The following CATSPERD variants were observed in gnomAD, a reference collection of about 807,000 sequenced individuals.
CATSPERD encodes the protein cation channel sperm-associated auxiliary subunit delta.
CATSPERD carries 86 observed loss-of-function variants against 98.1 expected under a neutral mutation model. The observed-to-expected ratio is 0.88, with a 90% CI of 0.74 to 1.05. The LOEUF is 1.05. Ranked by LOEUF, CATSPERD falls within the 50% of genes least tolerant of loss-of-function variation. The pLI is 0.00. For missense variants in CATSPERD, 995 were observed against 1,005.7 expected (o/e 0.99, Z 0.14); for synonymous variants, 394 against 390.2 (o/e 1.01, Z -0.12).
intron 3 of CATSPERD, among the ~76,000 whole-genome samples, chr19:5,728,250 C>T (rs1422560969): frequency 6.0e-5 from 9 of 149,344 alleles, no homozygotes; most frequent in East Asian, 2.0e-4. Context: ...CCCAGCTACT[C>T]GGGAGGCTGA....
chr19:5,729,459 T>A (rs2055671986), intron 3 of CATSPERD, among the ~76,000 whole-genome samples: 1 of 152,140 alleles, frequency 6.6e-6, no homozygotes, highest in Non-Finnish European at 1.5e-5. Flanking sequence ...GGGAAGGAGA[T>A]CTGGATAATG....
At chr19:5,777,148 G>T (rs2056753521) in intron 21 of CATSPERD, among the ~76,000 whole-genome samples, 1 of 152,022 alleles carries the variant, frequency 6.6e-6, no homozygotes, top group Admixed American at 6.6e-5. Flanking sequence ...ACCCCTACTG[G>T]AAGTCATTGT....
At chr19:5,754,352 A>T in intron 13 of CATSPERD, 107 bp downstream of exon 13, 3 of 631,418 alleles carry the variant, frequency 4.8e-6, no homozygotes, top group South Asian at 1.8e-5. Flanking sequence ...GAGAGACGCT[A>T]CTCGCACACT....
In CATSPERD at chr19:5,772,944, G is replaced by C. The variant is rs368470182; in HGVS notation, c.1920G>C (p.Gly640=). ...NWTTMIKEFG[G]PFFWNRENYV... ...CCACCATGATAAAGGAATTCGGGGG[G>C]CCCTTCTTCTGGAACAGAGAGGTAA... Residue 640 remains glycine (G), a synonymous_variant, in exon 20 of 22, where the codon GGG becomes GGC. Coordinates refer to ENST00000381624, the MANE Select transcript of CATSPERD (RefSeq NM_152784.4). 1 of 1,613,776 alleles carries C rather than the reference G, an allele frequency of 6.2e-7. No homozygotes were observed. Among genetic ancestry groups the C allele is most frequent in the African/African-American group, 1.3e-5 (1 of 74,914 alleles).
intron 11 of CATSPERD, among the ~76,000 whole-genome samples, chr19:5,750,383 G>A (rs1416690040): frequency 1.7e-4 from 24 of 143,264 alleles, no homozygotes; most frequent in Non-Finnish European, 2.6e-4. Flanking sequence ...TCCAGGAGGC[G>A]GAGCTTGCAG....
chr19:5,764,195 A>G, intron 16 of CATSPERD, among the ~76,000 whole-genome samples: 1 of 149,076 alleles, frequency 6.7e-6, no homozygotes. Context: ...CAGCCTCCCA[A>G]AGTGCTGGGA....
intron 1 of CATSPERD, among the ~76,000 whole-genome samples, chr19:5,721,795 C>T (rs537590636): frequency 6.6e-6 from 1 of 152,058 alleles, no homozygotes; most frequent in South Asian, 2.1e-4. Flanking sequence ...TCCAGACCAG[C>T]CTGGCCAACA....
At chr19:5,775,900 C>G (rs113138914) in intron 20 of CATSPERD, among the ~76,000 whole-genome samples, 1,745 of 152,228 alleles carry the variant, frequency 0.011, 33 homozygotes, top group African/African-American at 0.04. Context: ...ATATGGCCTC[C>G]AGTGGTATAC....
At chr19:5,742,199 TAC>T (rs2055993232) in intron 7 of CATSPERD, among the ~76,000 whole-genome samples, 1 of 139,696 alleles carries the variant, frequency 7.2e-6, no homozygotes. Context: ...TGTGTGCGTG[TAC>T]ATGTGTGCAT....
chr19:5,745,515 G>C (rs2056076887), intron 8 of CATSPERD, among the ~76,000 whole-genome samples: 1 of 152,016 alleles, frequency 6.6e-6, no homozygotes, highest in Non-Finnish European at 1.5e-5. Flanking sequence ...CAGCTACTTG[G>C]GAGGCTGAGG....
In CATSPERD at chr19:5,776,270, A is replaced by G. The variant is rs761956459; in HGVS notation, c.2051A>G (p.Asn684Ser). ...RTANQIIFGH[N>S]GFYVFYISIV... ...GCAAACCAGATCATTTTCGGCCACA[A>G]TGGCTTTTATGTCTTCTACATTTCG... The change falls in exon 21 of 22, where the codon AAT (asparagine) becomes AGT (serine). Residue 684 changes from asparagine (N) to serine (S), a missense_variant. Asn to Ser is a conservative substitution (Grantham distance 46). Transcript: ENST00000381624. 6.8e-6 allele frequency: 11 copies of G among 1,614,190 alleles called. No individual in the cohort carries two copies. Among genetic ancestry groups the G allele is most frequent in the South Asian group, 3.3e-5 (3 of 91,090 alleles).
At chr19:5,771,112 C>CA in intron 19 of CATSPERD, 40 bp downstream of exon 19, 1 of 1,596,662 alleles carries the variant, frequency 6.3e-7, no homozygotes, top group Non-Finnish European at 8.5e-7. Context: ...GGGACGGTGG[C>CA]AGGGCCTCAT....
At chr19:5,727,195 CAA>C (rs572991955) in intron 2 of CATSPERD, 71 bp from the exon 3 acceptor site, 32 of 1,012,786 alleles carry the variant, frequency 3.2e-5, no homozygotes, top group South Asian at 4.9e-5. Context: ...ACTCTTGTCT[CAA>C]AAAAAAAAAT....
In CATSPERD at chr19:5,763,278, G is replaced by A. The variant is rs1313407125; in HGVS notation, c.1491G>A (p.Val497=). ...VDIANKEISC[V]DIKPLSTLIS... ...TAGCAAACAAGGAAATTTCATGTGT[G>A]GATATCAAGCCACTGGTAGGTCCCA... The change falls in exon 16 of 22, where the codon GTG becomes GTA. Residue 497 remains valine, a synonymous_variant. Coordinates refer to ENST00000381624, the MANE Select transcript of CATSPERD (RefSeq NM_152784.4). 6.2e-7 allele frequency: 1 copy of A among 1,613,800 alleles called. No individual in the cohort carries two copies. Among genetic ancestry groups the A allele is most frequent in the Admixed American group, 1.7e-5 (1 of 59,946 alleles).
intron 16 of CATSPERD, among the ~76,000 whole-genome samples, chr19:5,764,005 T>C (rs1425263236): frequency 1.3e-5 from 2 of 151,392 alleles, no homozygotes; most frequent in African/African-American, 4.8e-5. Context: ...TGTGCCACCA[T>C]GCCCAGCTAA....
intron 6 of CATSPERD, among the ~76,000 whole-genome samples, chr19:5,737,850 CAAA>C (rs560043195): frequency 2.7e-5 from 3 of 110,954 alleles, no homozygotes; most frequent in Admixed American, 9.8e-5. Flanking sequence ...AACTCCATCT[CAAA>C]AAAAAAAAAA....
At chr19:5,775,709 C>T (rs1045992491) in intron 20 of CATSPERD, among the ~76,000 whole-genome samples, 2 of 149,092 alleles carry the variant, frequency 1.3e-5, no homozygotes, top group Non-Finnish European at 3.0e-5. Context: ...GAGCAGGTAA[C>T]GATTGGTCAG....
chr19:5,746,212 T>A, intron 9 of CATSPERD, 149 bp downstream of exon 9: 1 of 840,988 alleles, frequency 1.2e-6, no homozygotes, highest in Non-Finnish European at 1.8e-6. Flanking sequence ...CACAAGCCCA[T>A]AATCATTTAG....
chr19:5,740,389 A>G (rs1030557055), intron 7 of CATSPERD, among the ~76,000 whole-genome samples: 6 of 151,420 alleles, frequency 4.0e-5, no homozygotes, highest in African/African-American at 1.5e-4. Context: ...GGAGTTCGAG[A>G]CCAGCCTGAC....
Sources: allele counts gnomAD v4.1 joint callset (sites outside exome capture counted in the v4.1 genomes callset), GRCh38; gene constraint gnomAD v4.1.1; transcripts MANE v1.5; gene names NCBI Gene and HGNC (gene_info 2026-07-23, HGNC 2026-07-21).